The following RPAP3 variants were observed in gnomAD, a reference collection of about 807,000 sequenced individuals.
RPAP3 encodes the protein RNA polymerase II-associated protein 3.
RPAP3 carries 58 observed loss-of-function variants against 88.8 expected under a neutral mutation model. The observed-to-expected ratio is 0.65, with a 90% CI of 0.53 to 0.81. The LOEUF (loss-of-function observed/expected upper bound fraction) is 0.81. Ranked by LOEUF, RPAP3 falls within the 40% of genes least tolerant of loss-of-function variation. The pLI, the probability that RPAP3 is intolerant of heterozygous loss-of-function variation, is 0.00. For missense variants in RPAP3, 751 were observed against 764.3 expected, an observed-to-expected ratio of 0.98 and a Z score of 0.20; for synonymous variants, 255 against 259.9, an observed-to-expected ratio of 0.98 and a Z score of 0.18.
At chr12:47,678,362 A>G (rs2136619564) in intron 12 of RPAP3, among the ~76,000 whole-genome samples, 1 of 152,290 alleles carries the variant, frequency 6.6e-6, no homozygotes, top group South Asian at 2.1e-4. Context: ...GACTAAAACA[A>G]CAAAAGCAAT....
rs1938785799 is a variant in RPAP3, at chr12:47,662,726, C to T, written c.*779G>A. On this transcript the variant is annotated 3_prime_UTR_variant, in exon 17 of 17. Coordinates refer to ENST00000005386, the MANE Select transcript of RPAP3 (RefSeq NM_024604.3). ...TATGTGCAAACGTCTGTGCTAGGTACTATGCAGAGTACAGGGATGAGCAGA... is the reference window on the plus strand; with the variant it reads ...TATGTGCAAACGTCTGTGCTAGGTATTATGCAGAGTACAGGGATGAGCAGA... 6.6e-6 allele frequency: 1 copy of T among 152,198 alleles called. No homozygotes were observed. The highest frequency in any genetic ancestry group is 1.5e-5 in the Non-Finnish European group (1 of 68,028). 9.4% of individuals were successfully genotyped at this position (152,198 alleles called of 1,614,324 possible).
chr12:47,696,151 C>T, intron 5 of RPAP3, 125 bp downstream of exon 5: 1 of 780,374 alleles, frequency 1.3e-6, no homozygotes, highest in Non-Finnish European at 1.8e-6. Context: ...TAAGAATTTA[C>T]AGTTGAAAAG....
chr12:47,674,028 C>T (rs967530816), intron 12 of RPAP3, among the ~76,000 whole-genome samples: 5 of 147,750 alleles, frequency 3.4e-5, no homozygotes, highest in South Asian at 2.1e-4. Context: ...AAACTCTAAA[C>T]GCTGCTAAAT....
Position 47,701,557 on chromosome 12 carries a change from G to A in RPAP3, c.201C>T (p.Gly67=). ...RNGNFRKKKK[G]KAKESSKKTR... is the part of the protein sequence containing the mutation. ...TTTTTTTGGAAGACTCTTTAGCTTT[G>A]CCTTTCTTCTTTTTCCTAAAATTCC... The change falls in exon 3 of 17, where the codon GGC becomes GGT. Residue 67 remains glycine (G), a synonymous_variant. Transcript: ENST00000005386. The A allele has an allele frequency of 1.9e-6, 3 of 1,591,430 alleles. No individual in the cohort carries two copies. In the South Asian group the frequency reaches 3.5e-5, roughly 19 times the overall value.
chr12:47,674,649 T>C (rs1939071635), intron 12 of RPAP3, among the ~76,000 whole-genome samples: 1 of 152,138 alleles, frequency 6.6e-6, no homozygotes, highest in Non-Finnish European at 1.5e-5. Flanking sequence ...AGGGTATCAG[T>C]GATTGAAGAT....
chr12:47,694,345 G>A (rs1939482595), intron 5 of RPAP3, among the ~76,000 whole-genome samples: 1 of 152,136 alleles, frequency 6.6e-6, no homozygotes, highest in African/African-American at 2.4e-5. Flanking sequence ...CAAAAATAGA[G>A]CTGGAAAAAC....
At chr12:47,694,955 T>C (rs1939494947) in intron 5 of RPAP3, among the ~76,000 whole-genome samples, 1 of 152,218 alleles carries the variant, frequency 6.6e-6, no homozygotes, top group Non-Finnish European at 1.5e-5. Flanking sequence ...TTGTAACAAC[T>C]GTGTAACAAC....
chr12:47,681,588 T>C (rs1408257957), intron 10 of RPAP3, 108 bp downstream of exon 10: 1 of 1,123,602 alleles, frequency 8.9e-7, no homozygotes, highest in Admixed American at 2.8e-5. Flanking sequence ...GAAAACATAA[T>C]TCCCTAAGTT....
At chr12:47,664,900 T>G (rs963189444) in intron 16 of RPAP3, 3 of 152,108 alleles carry the variant, frequency 2.0e-5, no homozygotes, top group Non-Finnish European at 4.4e-5. Flanking sequence ...GCTAGTAATA[T>G]ATTACGAAGA....
At chr12:47,691,980 T>C (rs4558241) in intron 5 of RPAP3, among the ~76,000 whole-genome samples, 84,911 of 151,918 alleles carry the variant, frequency 0.56, 23,862 homozygotes, top group Middle Eastern at 0.67. Flanking sequence ...CTCCTGACCT[T>C]GTGATCTGCC....
intron 12 of RPAP3, among the ~76,000 whole-genome samples, chr12:47,673,484 T>A (rs199980140): frequency 6.7e-6 from 1 of 150,030 alleles, no homozygotes; most frequent in East Asian, 1.9e-4. Context: ...TACAGTCATA[T>A]TAAATGCACT....
At chr12:47,692,149 T>C (rs1365171471) in intron 5 of RPAP3, among the ~76,000 whole-genome samples, 2 of 148,250 alleles carry the variant, frequency 1.3e-5, no homozygotes, top group African/African-American at 4.8e-5. Flanking sequence ...CTAAGGGCCC[T>C]AGGACTTTTG....
At chr12:47,684,641 G>A (rs983466402) in intron 9 of RPAP3, among the ~76,000 whole-genome samples, 3 of 152,098 alleles carry the variant, frequency 2.0e-5, no homozygotes, top group Admixed American at 1.3e-4. Flanking sequence ...CCACTAATAC[G>A]ATTATAAACT....
chr12:47,684,258 T>C (rs1939280575), intron 9 of RPAP3, among the ~76,000 whole-genome samples: 1 of 152,194 alleles, frequency 6.6e-6, no homozygotes, highest in South Asian at 2.1e-4. Context: ...ATTTAGACTA[T>C]CACCTCCAGA....
rs146604675 is a variant in RPAP3 at position 47,677,831 on chromosome 12, T to C, written c.1287+1662A>G. 9.1e-3 allele frequency among the ~76,000 whole-genome samples: 1,380 copies of C among 152,216 alleles called. 16 individuals carry two copies. The highest frequency in any genetic ancestry group is 0.017 in the Admixed American group (265 of 15,288). ...AAATGGCCATACTGCCCAAAGTAATTTATAGAATTCAATGCCATCCCCATC... is the reference window on the plus strand; with the variant it reads ...AAATGGCCATACTGCCCAAAGTAATCTATAGAATTCAATGCCATCCCCATC... On this transcript the variant is annotated intron_variant, in intron 12 of 16. Coordinates refer to ENST00000005386, the MANE Select transcript of RPAP3 (RefSeq NM_024604.3).
Position 47,696,319 on chromosome 12 carries a change from C to T in RPAP3, c.502G>A (p.Val168Met), listed in dbSNP as rs371796000. 6.9e-6 allele frequency: 11 copies of T among 1,587,844 alleles called. No individual in the cohort carries two copies. The highest frequency in any genetic ancestry group is 6.9e-5 in the East Asian group (3 of 43,444). The change falls in exon 5 of 17, where the codon GTG (valine) becomes ATG (methionine). Residue 168 changes from valine to methionine, a missense_variant. Physicochemically the swap from Val to Met is conservative, Grantham distance 21. Transcript: ENST00000005386. Reference sequence around the variant, plus strand: ...GCTGACGCTCTGTTCGTTGGCAACACGGGATTATATGGATCGGCATCCATG... The same window carrying T: ...GCTGACGCTCTGTTCGTTGGCAACATGGGATTATATGGATCGGCATCCATG... ...KGMDADPYNPVLPTNRASAYF... is the reference protein window; with the variant it reads ...KGMDADPYNPMLPTNRASAYF...
Position 47,663,570 on chromosome 12 carries a change from G to A in RPAP3, c.1933C>T (p.His645Tyr). 1 of 1,577,132 alleles carries A rather than the reference G, an allele frequency of 6.3e-7. No homozygotes were observed. Residue 645 changes from histidine (H) to tyrosine (Y), a missense_variant, in exon 17 of 17, where the codon CAC becomes TAC. Coordinates refer to ENST00000005386, the MANE Select transcript of RPAP3 (RefSeq NM_024604.3). ...EKKIARALFN[H>Y]IDKSGLKDSS... ...TCCTTCAATCCTGACTTGTCTATGT[G>A]ATTAAATAATGCACGTGCAACTGAA...
At chr12:47,677,926 A>G (rs1028836535) in intron 12 of RPAP3, among the ~76,000 whole-genome samples, 4 of 152,248 alleles carry the variant, frequency 2.6e-5, no homozygotes, top group Non-Finnish European at 2.9e-5. Context: ...ACCAAAAAAG[A>G]GCCCACATTG....
chr12:47,701,893 A>G (rs1045537709), intron 2 of RPAP3, among the ~76,000 whole-genome samples: 3 of 152,212 alleles, frequency 2.0e-5, no homozygotes, highest in East Asian at 1.9e-4. Context: ...AAAACGACCT[A>G]TCTTCAGCCT....
Sources: gnomAD v4.1 joint callset for allele counts (sites outside exome capture counted in the v4.1 genomes callset) on GRCh38, gnomAD v4.1.1 for gene constraint, MANE v1.5 for transcripts, NCBI Gene and HGNC (gene_info 2026-07-23, HGNC 2026-07-21) for gene names.